The following CDH12 variants were observed in gnomAD, a reference collection of about 807,000 sequenced individuals.
CDH12 encodes the protein cadherin-12.
CDH12 carries 41 observed loss-of-function variants against 74.1 expected under a neutral mutation model. That is an observed-to-expected ratio of 0.55 (90% CI 0.43 to 0.72). The LOEUF is 0.72. CDH12 is among the 30% of genes least tolerant of loss of function. The probability of loss-of-function intolerance (pLI) is 0.00; values close to 1 mark genes in which losing one functional copy is unlikely to be tolerated. For synonymous variants in CDH12, 399 were observed against 355.0 expected (o/e 1.12, Z -1.39); for missense variants, 945 against 977.2 (o/e 0.97, Z 0.44).
At chr5:22,674,637 G>GA (rs1213631162) in intron 1 of CDH12, among the ~76,000 whole-genome samples, 1 of 152,152 alleles carries the variant, frequency 6.6e-6, no homozygotes, top group Non-Finnish European at 1.5e-5. Flanking sequence ...AAAAATGTGG[G>GA]AAAGTTTGGA....
chr5:22,537,729 A>C (rs752490230), intron 1 of CDH12, among the ~76,000 whole-genome samples: 2 of 152,202 alleles, frequency 1.3e-5, no homozygotes, highest in African/African-American at 2.4e-5. Context: ...AAATACTCTT[A>C]GAGAGCGCTC....
intron 3 of CDH12, among the ~76,000 whole-genome samples, chr5:22,262,696 C>T (rs35376653): frequency 0.35 from 53,082 of 150,116 alleles, 11,069 homozygotes; most frequent in Admixed American, 0.47. Flanking sequence ...GCCACACTGA[C>T]TTCCACAATG....
chr5:21,803,939 T>C (rs1398719105), intron 9 of CDH12, among the ~76,000 whole-genome samples: 1 of 152,180 alleles, frequency 6.6e-6, no homozygotes, highest in African/African-American at 2.4e-5. Context: ...ACTCACAATT[T>C]CATGGAATTT....
At position 22,572,390 on chromosome 5, in the gene CDH12, G is replaced by A. The variant is rs72746613; in HGVS notation, c.-522-67026C>T. 9.8e-3 allele frequency among the ~76,000 whole-genome samples: 1,489 copies of A among 152,040 alleles called. 25 individuals are homozygous for A. Among genetic ancestry groups the A allele is most frequent in the East Asian group, 0.063 (327 of 5,170 alleles). Reference sequence around the variant, plus strand: ...CCAGCATTAGTTAATTGTATCAAAGGCTGTCTCTCTTCATTACTTAAATGC... The same window carrying A: ...CCAGCATTAGTTAATTGTATCAAAGACTGTCTCTCTTCATTACTTAAATGC... On this transcript the variant is annotated intron_variant, in intron 1 of 14. Coordinates refer to ENST00000382254, the MANE Select transcript of CDH12 (RefSeq NM_004061.5).
intron 7 of CDH12, among the ~76,000 whole-genome samples, chr5:21,850,352 G>A (rs1198559137): frequency 6.6e-6 from 1 of 151,320 alleles, no homozygotes; most frequent in Admixed American, 6.6e-5. Flanking sequence ...GAATAAGTAA[G>A]ATGATGGGTA....
At chr5:22,222,997 C>T (rs147255363) in intron 3 of CDH12, among the ~76,000 whole-genome samples, 107 of 151,444 alleles carry the variant, frequency 7.1e-4, no homozygotes, top group Middle Eastern at 3.4e-3. Context: ...TTCTGATGAA[C>T]TTGAATTGCT....
intron 1 of CDH12, among the ~76,000 whole-genome samples, chr5:22,797,307 A>C (rs1748280928): frequency 6.6e-6 from 1 of 152,092 alleles, no homozygotes; most frequent in Admixed American, 6.6e-5. Flanking sequence ...ACCAGAGCTG[A>C]CAGCACCTTG....
intron 1 of CDH12, among the ~76,000 whole-genome samples, chr5:22,814,051 AG>A (rs772669017): frequency 6.6e-6 from 1 of 152,194 alleles, no homozygotes; most frequent in Non-Finnish European, 1.5e-5. Flanking sequence ...GTTTGGCAAA[AG>A]TCTATTTTTT....
intron 3 of CDH12, among the ~76,000 whole-genome samples, chr5:22,374,953 AT>A (rs1741457343): frequency 6.6e-6 from 1 of 152,132 alleles, no homozygotes; most frequent in African/African-American, 2.4e-5. Flanking sequence ...ATTAAAAAAA[AT>A]CCTAAAATTT....
intron 1 of CDH12, among the ~76,000 whole-genome samples, chr5:22,808,207 C>T (rs940560596): frequency 2.6e-5 from 4 of 152,178 alleles, no homozygotes; most frequent in Non-Finnish European, 5.9e-5. Context: ...ATTAATTACA[C>T]TCATGCTATC....
At chr5:22,567,758 G>T (rs2126760883) in intron 1 of CDH12, among the ~76,000 whole-genome samples, 1 of 152,260 alleles carries the variant, frequency 6.6e-6, no homozygotes, top group Admixed American at 6.5e-5. Flanking sequence ...GCAATGATTT[G>T]GATTAGCTAT....
At chr5:22,820,130 A>G (rs1749612035) in intron 1 of CDH12, among the ~76,000 whole-genome samples, 1 of 151,254 alleles carries the variant, frequency 6.6e-6, no homozygotes. Flanking sequence ...AAATTACTAA[A>G]TTATATCCAA....
chr5:22,638,208 A>G lies in CDH12; in HGVS notation c.-522-132844T>C, dbSNP rs527872912. ...GAGTTAATTAAGGAGTTTTGACTCA[A>G]AGGATCACAAGGTGAAGTCCCACAA... On this transcript the variant is annotated intron_variant, in intron 1 of 14. Coordinates refer to ENST00000382254, the MANE Select transcript of CDH12 (RefSeq NM_004061.5). Among the ~76,000 whole-genome samples, 36 of 152,298 alleles carry G rather than the reference A, an allele frequency of 2.4e-4. 1 individual carries two copies. In the South Asian group the frequency reaches 5.2e-3, roughly 22 times the overall value.
At chr5:21,925,804 C>A (rs1754558460) in intron 6 of CDH12, among the ~76,000 whole-genome samples, 1 of 152,076 alleles carries the variant, frequency 6.6e-6, no homozygotes. Context: ...AGTATATGCA[C>A]ATACCATGCC....
At chr5:22,384,417 T>C (rs1220429227) in intron 3 of CDH12, among the ~76,000 whole-genome samples, 2 of 146,112 alleles carry the variant, frequency 1.4e-5, no homozygotes, top group Non-Finnish European at 3.0e-5. Flanking sequence ...TCCCAGCTAC[T>C]CGGGAGGCTG....
At chr5:22,017,667 A>G (rs2150158047) in intron 5 of CDH12, among the ~76,000 whole-genome samples, 1 of 152,272 alleles carries the variant, frequency 6.6e-6, no homozygotes, top group South Asian at 2.1e-4. Flanking sequence ...CAGCTAGAGA[A>G]AGGGAAAGGG....
At chr5:22,612,648 GCA>G (rs1287489570) in intron 1 of CDH12, among the ~76,000 whole-genome samples, 2 of 152,054 alleles carry the variant, frequency 1.3e-5, no homozygotes, top group Admixed American at 1.3e-4. Flanking sequence ...TCAATGTGAT[GCA>G]TCATTTGGTA....
At chr5:21,892,752 C>G (rs1752952337) in intron 6 of CDH12, among the ~76,000 whole-genome samples, 1 of 152,042 alleles carries the variant, frequency 6.6e-6, no homozygotes, top group Admixed American at 6.6e-5. Flanking sequence ...CATTCTCCTC[C>G]TTAAAAAAAT....
At chr5:22,228,224 C>T (rs1752261797) in intron 3 of CDH12, among the ~76,000 whole-genome samples, 1 of 151,570 alleles carries the variant, frequency 6.6e-6, no homozygotes. Context: ...AATAATATAG[C>T]TTTACTAATT....
Sources: allele counts gnomAD v4.1 joint callset (sites outside exome capture counted in the v4.1 genomes callset), GRCh38; gene constraint gnomAD v4.1.1; transcripts MANE v1.5; gene names NCBI Gene and HGNC (gene_info 2026-07-23, HGNC 2026-07-21).